VANGL2: variants seen among roughly 807,000 people sequenced by gnomAD.
The protein encoded by VANGL2 is vang-like protein 2.
A neutral mutation model predicts 50.2 loss-of-function variants in VANGL2; 14 were observed. The ratio of observed to expected loss-of-function variants is 0.28; its 90% CI spans 0.18 to 0.44. VANGL2 has a LOEUF of 0.44. Ranked by LOEUF, VANGL2 falls within the 20% of genes least tolerant of loss-of-function variation. The pLI, the probability that VANGL2 is intolerant of heterozygous loss-of-function variation, is 1.00. For missense variants in VANGL2, 533 were observed against 701.5 expected, an observed-to-expected ratio of 0.76 and a Z score of 2.71; for synonymous variants, 295 against 297.2, an observed-to-expected ratio of 0.99 and a Z score of 0.08.
chr1:160,420,025 A>G (rs1651211988), intron 4 of VANGL2, among the ~76,000 whole-genome samples: 2 of 151,994 alleles, frequency 1.3e-5, no homozygotes, highest in African/African-American at 2.4e-5. Context: ...ATCCCCAGAG[A>G]AAGAGATAAG....
At chr1:160,410,274 G>A (rs1650828740) in intron 1 of VANGL2, among the ~76,000 whole-genome samples, 1 of 152,120 alleles carries the variant, frequency 6.6e-6, no homozygotes, top group Non-Finnish European at 1.5e-5. Context: ...CTTCTCAGCT[G>A]CTTCCAGCCC....
At chr1:160,408,338 C>T (rs1232093696) in intron 1 of VANGL2, among the ~76,000 whole-genome samples, 1 of 152,154 alleles carries the variant, frequency 6.6e-6, no homozygotes, top group East Asian at 1.9e-4. Flanking sequence ...TTTAGAGGTC[C>T]TCGGCCTCAC....
intron 3 of VANGL2, among the ~76,000 whole-genome samples, chr1:160,417,685 G>T (rs553751689): frequency 6.6e-6 from 1 of 152,342 alleles, no homozygotes; most frequent in East Asian, 1.9e-4. Context: ...GAGAACAGGT[G>T]CTTATTGCCC....
intron 1 of VANGL2, among the ~76,000 whole-genome samples, chr1:160,410,762 A>AT (rs1335897647): frequency 6.6e-6 from 1 of 151,416 alleles, no homozygotes; most frequent in East Asian, 1.9e-4. Context: ...TTCTGAGTGT[A>AT]TTTTTTCCAG....
At chr1:160,403,162 A>C (rs61801353) in intron 1 of VANGL2, among the ~76,000 whole-genome samples, 5 of 147,400 alleles carry the variant, frequency 3.4e-5, no homozygotes, top group Non-Finnish European at 7.5e-5. Context: ...TTTTTTTTTA[A>C]TGGATCATTC....
chr1:160,424,817 GC>G (rs1227402987), intron 7 of VANGL2, among the ~76,000 whole-genome samples: 1 of 152,164 alleles, frequency 6.6e-6, no homozygotes, highest in Non-Finnish European at 1.5e-5. Flanking sequence ...ATGAGGGAGG[GC>G]TTGCCCAGGT....
At chr1:160,417,237 G>A (rs1172224063) in intron 3 of VANGL2, among the ~76,000 whole-genome samples, 5 of 152,154 alleles carry the variant, frequency 3.3e-5, no homozygotes, top group South Asian at 2.1e-4. Flanking sequence ...GTAGAGAGGA[G>A]GTTCCTCAAC....
Position 160,400,632 on chromosome 1 carries a change from C to G in VANGL2, c.-428C>G, listed in dbSNP as rs1457951561. 1 of 152,062 alleles carries G rather than the reference C, an allele frequency of 6.6e-6. No individual in the cohort carries two copies. Among genetic ancestry groups the G allele is most frequent in the Non-Finnish European group, 1.5e-5 (1 of 68,076 alleles). 9.4% of individuals were successfully genotyped at this position (152,062 alleles called of 1,614,324 possible). On this transcript the variant is annotated 5_prime_UTR_variant, in exon 1 of 8. Transcript: ENST00000368061. Reference sequence around the variant, plus strand: ...TGATCCTTGGTCCCGCCATGGGAGCCTGAGCGCCCCCTATTCCCCCCTGGC... The same window carrying G: ...TGATCCTTGGTCCCGCCATGGGAGCGTGAGCGCCCCCTATTCCCCCCTGGC...
At position 160,421,099 on chromosome 1, in the gene VANGL2, G is replaced by A. The variant is rs372942988; in HGVS notation, c.985G>A (p.Ala329Thr). The change falls in exon 6 of 8, where the codon GCG (alanine) becomes ACG (threonine). Residue 329 changes from alanine to threonine, a missense_variant. Physicochemically the swap from Ala to Thr is moderately conservative, Grantham distance 58. Transcript: ENST00000368061. ...TGGCCAGTCTCGGGCTGTGATTGCA[G>A]CGGCAGCTCGGAGGCGGGACAACAG... ...STGQSRAVIA[A>T]AARRRDNSHN... is the part of the protein sequence containing the mutation. 4 of 1,614,078 alleles carry A rather than the reference G, an allele frequency of 2.5e-6. No individual in the cohort carries two copies. The African/African-American group carries it at 4.0e-5, about 16-fold the overall frequency.
At chr1:160,401,402 G>C (rs1650458060) in intron 1 of VANGL2, among the ~76,000 whole-genome samples, 1 of 152,086 alleles carries the variant, frequency 6.6e-6, no homozygotes, top group African/African-American at 2.4e-5. Context: ...TGTACAGACC[G>C]AGGATGGGGC....
At chr1:160,411,103 G>A (rs1366858721) in intron 1 of VANGL2, among the ~76,000 whole-genome samples, 1 of 151,954 alleles carries the variant, frequency 6.6e-6, no homozygotes, top group African/African-American at 2.4e-5. Flanking sequence ...GCCTTTGGAG[G>A]GGAGAAGGGT....
At position 160,416,294 on chromosome 1, in the gene VANGL2, C is replaced by G. The variant is rs1290073658; in HGVS notation, c.192+112C>G. 2.6e-6 allele frequency: 4 copies of G among 1,561,698 alleles called. No homozygotes were observed. In the African/African-American group the frequency reaches 4.1e-5, roughly 16 times the overall value. Reference sequence around the variant, plus strand: ...TGGAAACCTGGTCTCAGACAGCCATCAGATCGGGGAGTGTGTTTTGTGTTA... The same window carrying G: ...TGGAAACCTGGTCTCAGACAGCCATGAGATCGGGGAGTGTGTTTTGTGTTA... On this transcript the variant is annotated intron_variant, in intron 3 of 7. Coordinates refer to ENST00000368061, the MANE Select transcript of VANGL2 (RefSeq NM_020335.3).
rs1651503694 is a variant in VANGL2 at position 160,427,570 on chromosome 1, A to G, written c.*2192A>G. On this transcript the variant is annotated 3_prime_UTR_variant, in exon 8 of 8. Coordinates refer to ENST00000368061, the MANE Select transcript of VANGL2 (RefSeq NM_020335.3). ...GTCTTTTTTCATTATTATTATTATT[A>G]TTATTATTATTATTACTATTGTTTT... 1.3e-5 allele frequency: 2 copies of G among 149,452 alleles called. 1 individual carries two copies. Among genetic ancestry groups the G allele is most frequent in the South Asian group, 4.2e-4 (2 of 4,752 alleles). 9.3% of individuals were successfully genotyped at this position (149,452 alleles called of 1,614,324 possible).
Position 160,427,950 on chromosome 1 carries a change from T to G in VANGL2, c.*2572T>G, listed in dbSNP as rs1651517566. On this transcript the variant is annotated 3_prime_UTR_variant, in exon 8 of 8. Transcript: ENST00000368061. ...CTTTCCTCCCTCCACAACAGGACGCTGTGCCTCAGTCCTTCACCTACCTCG... is the reference window on the plus strand; with the variant it reads ...CTTTCCTCCCTCCACAACAGGACGCGGTGCCTCAGTCCTTCACCTACCTCG... 2 of 152,826 alleles carry G rather than the reference T, an allele frequency of 1.3e-5. No homozygotes were observed. The allele number at this position is 152,826 out of a possible 1,614,324, so 9.5% of individuals were successfully genotyped here.
chr1:160,418,754 T>C (rs1486517658), intron 3 of VANGL2, among the ~76,000 whole-genome samples: 1 of 152,202 alleles, frequency 6.6e-6, no homozygotes, highest in African/African-American at 2.4e-5. Flanking sequence ...CACTGACCAG[T>C]GTCCAGCTCC....
intron 1 of VANGL2, among the ~76,000 whole-genome samples, chr1:160,413,238 A>G (rs928109640): frequency 1.4e-4 from 21 of 151,962 alleles, no homozygotes; most frequent in African/African-American, 5.1e-4. Flanking sequence ...CTGATGGTTT[A>G]GAGTAGTTGG....
rs1430086730 is a variant in VANGL2, at chr1:160,415,749, A to G, written c.-89A>G. 3.4e-6 allele frequency: 5 copies of G among 1,477,120 alleles called. No individual in the cohort carries two copies. The highest frequency in any genetic ancestry group is 4.6e-6 in the Non-Finnish European group (5 of 1,077,140). 91.5% of individuals were successfully genotyped at this position (1,477,120 alleles called of 1,614,324 possible). On this transcript the variant is annotated 5_prime_UTR_variant, in exon 2 of 8. Transcript: ENST00000368061. ...CTGAAGGTGCCTCTTGGCCTAAAGA[A>G]GCCGGTGCTGAAGGAGGTGGCTGTG...
chr1:160,405,570 A>G (rs551165060), intron 1 of VANGL2, among the ~76,000 whole-genome samples: 1 of 151,944 alleles, frequency 6.6e-6, no homozygotes, highest in East Asian at 1.9e-4. Flanking sequence ...GGTTTGAGAG[A>G]AGCAGGCTTG....
At position 160,418,988 on chromosome 1, in the gene VANGL2, C is replaced by T. The variant is rs1187602134; in HGVS notation, c.193-14C>T. ...TTCCTCCTTATTGTGTGGCTGGCCC[C>T]CTTCTGCCTGTAGGATGACAACTGG... On this transcript the variant is annotated splice_polypyrimidine_tract_variant and intron_variant, in intron 3 of 7. Transcript: ENST00000368061. The T allele has an allele frequency of 1.2e-6, 2 of 1,600,580 alleles. No individual in the cohort carries two copies. The highest frequency in any genetic ancestry group is 1.7e-6 in the Non-Finnish European group (2 of 1,171,114).
Sources: gnomAD v4.1 joint callset for allele counts (sites outside exome capture counted in the v4.1 genomes callset) on GRCh38, gnomAD v4.1.1 for gene constraint, MANE v1.5 for transcripts, NCBI Gene and HGNC (gene_info 2026-07-23, HGNC 2026-07-21) for gene names.